PRKG1: variants seen among roughly 807,000 people sequenced by gnomAD.
The protein encoded by PRKG1 is protein kinase cGMP-dependent 1.
Under a neutral mutation model 88.1 loss-of-function variants are expected in PRKG1, and 35 were observed. That is an observed-to-expected ratio of 0.40 (90% CI 0.30 to 0.53). The LOEUF (loss-of-function observed/expected upper bound fraction) is 0.53, where lower values mean the gene tolerates loss of function less well. PRKG1 is among the 20% of genes least tolerant of loss of function. The probability of loss-of-function intolerance (pLI) is 0.59; values close to 1 mark genes in which losing one functional copy is unlikely to be tolerated. For missense variants in PRKG1, 540 were observed against 839.8 expected, an observed-to-expected ratio of 0.64 and a Z score of 4.41; for synonymous variants, 303 against 292.5, an observed-to-expected ratio of 1.04 and a Z score of -0.37.
chr10:52,213,858 T>C (rs921768840), intron 9 of PRKG1, among the ~76,000 whole-genome samples: 2 of 152,306 alleles, frequency 1.3e-5, no homozygotes, highest in Admixed American at 1.3e-4. Context: ...CCATTATAAA[T>C]AACTTATAAA....
At chr10:51,984,220 A>G (rs1180775855) in intron 5 of PRKG1, among the ~76,000 whole-genome samples, 1 of 152,212 alleles carries the variant, frequency 6.6e-6, no homozygotes, top group East Asian at 1.9e-4. Flanking sequence ...TGGTAGAAAT[A>G]TTTTGTAAGA....
chr10:51,027,924 C>A (rs543677114), intron 1 of PRKG1, among the ~76,000 whole-genome samples: 10 of 152,160 alleles, frequency 6.6e-5, no homozygotes, highest in Non-Finnish European at 1.3e-4. Context: ...AAGAAACAAT[C>A]TCCTGGTTGT....
intron 3 of PRKG1, among the ~76,000 whole-genome samples, chr10:51,734,006 TAAAC>T (rs953041239): frequency 1.3e-5 from 2 of 152,172 alleles, no homozygotes; most frequent in African/African-American, 4.8e-5. Context: ...GGCATTCTAA[TAAAC>T]AAAATGTTTC....
intron 5 of PRKG1, among the ~76,000 whole-genome samples, chr10:52,044,189 T>G (rs913833383): frequency 6.6e-6 from 1 of 152,164 alleles, no homozygotes; most frequent in Non-Finnish European, 1.5e-5. Flanking sequence ...CATCTTGCAC[T>G]GTGAGAAGTG....
intron 10 of PRKG1, among the ~76,000 whole-genome samples, chr10:52,255,329 C>G (rs1841282030): frequency 2.0e-5 from 3 of 151,978 alleles, no homozygotes; most frequent in Admixed American, 1.3e-4. Flanking sequence ...CTACTTTTGT[C>G]CCTGCGAGAA....
intron 4 of PRKG1, among the ~76,000 whole-genome samples, chr10:51,855,065 C>A (rs575314790): frequency 6.6e-6 from 1 of 152,058 alleles, no homozygotes; most frequent in Admixed American, 6.6e-5. Flanking sequence ...TAGTGCAATT[C>A]GGTGATTTGA....
intron 3 of PRKG1, among the ~76,000 whole-genome samples, chr10:51,707,448 C>A (rs914142697): frequency 1.3e-5 from 2 of 152,178 alleles, no homozygotes; most frequent in Non-Finnish European, 2.9e-5. Context: ...GCTAATTAGA[C>A]AAGAAGCAGA....
intron 9 of PRKG1, among the ~76,000 whole-genome samples, chr10:52,247,159 T>C (rs894722047): frequency 6.6e-6 from 1 of 152,130 alleles, no homozygotes; most frequent in Non-Finnish European, 1.5e-5. Flanking sequence ...TTTTGCCCTA[T>C]ACTAAAATAA....
chr10:51,324,938 CT>C, intron 2 of PRKG1, among the ~76,000 whole-genome samples: 1 of 152,232 alleles, frequency 6.6e-6, no homozygotes, highest in East Asian at 1.9e-4. Context: ...TCTTTTTAGG[CT>C]TTTGAGGAAT....
chr10:51,171,942 C>T (rs895858133), intron 2 of PRKG1, among the ~76,000 whole-genome samples: 1 of 151,988 alleles, frequency 6.6e-6, no homozygotes, highest in African/African-American at 2.4e-5. Flanking sequence ...TTGCACAACT[C>T]ATTTTTTATA....
chr10:52,100,169 G>A (rs961836312), intron 7 of PRKG1, among the ~76,000 whole-genome samples: 1 of 152,148 alleles, frequency 6.6e-6, no homozygotes, highest in Non-Finnish European at 1.5e-5. Context: ...CCAGCACAGT[G>A]AACTCATGTA....
chr10:52,266,065 A>C (rs1383137130), intron 10 of PRKG1, among the ~76,000 whole-genome samples: 1 of 152,128 alleles, frequency 6.6e-6, no homozygotes, highest in Non-Finnish European at 1.5e-5. Context: ...GAACAGTTAT[A>C]TAATTACAGA....
chr10:51,190,952 A>G (rs1051354898), intron 2 of PRKG1, among the ~76,000 whole-genome samples: 10 of 151,808 alleles, frequency 6.6e-5, no homozygotes, highest in Admixed American at 4.0e-4. Context: ...GGTTGTTACA[A>G]TTATTATGCT....
In PRKG1 at chr10:51,944,156, G is replaced by T. The variant is rs182315598; in HGVS notation, c.762+36586G>T. ...CTCCTGTTATTGGTCTATTCAGAGA[G>T]TCAACTTCTTCCTGGTTTAGTCTTG... On this transcript the variant is annotated intron_variant, in intron 5 of 17. Transcript: ENST00000373980. 1.6e-3 allele frequency among the ~76,000 whole-genome samples: 238 copies of T among 152,056 alleles called. 2 individuals carry two copies. The highest frequency in any genetic ancestry group is 1.2e-3 in the Non-Finnish European group (80 of 67,976).
chr10:52,028,242 T>C (rs907481286), intron 5 of PRKG1, among the ~76,000 whole-genome samples: 13 of 152,200 alleles, frequency 8.5e-5, no homozygotes, highest in Non-Finnish European at 1.9e-4. Context: ...GAGTCCTATA[T>C]GCTTTTTAGT....
intron 2 of PRKG1, among the ~76,000 whole-genome samples, chr10:51,419,551 A>G (rs1440433398): frequency 6.6e-6 from 1 of 152,164 alleles, no homozygotes; most frequent in Admixed American, 6.5e-5. Flanking sequence ...AGGGAAGCCA[A>G]TGCATTCTAA....
chr10:52,244,036 G>T (rs1840936106), intron 9 of PRKG1, among the ~76,000 whole-genome samples: 1 of 151,992 alleles, frequency 6.6e-6, no homozygotes, highest in East Asian at 1.9e-4. Flanking sequence ...AGAGTAAATT[G>T]ATATAATGAA....
In PRKG1 at chr10:51,119,370, A is replaced by G. The variant is rs1197562232; in HGVS notation, c.312-33794A>G. 2.6e-5 allele frequency among the ~76,000 whole-genome samples: 4 copies of G among 152,176 alleles called. No individual in the cohort carries two copies. The South Asian group carries it at 6.2e-4, about 24-fold the overall frequency. ...ATTTTTATAAATCTTAATTATTTGC[A>G]TAATTAGAGAAATTTTCCTGATTAT... On this transcript the variant is annotated intron_variant, in intron 1 of 17. Coordinates refer to ENST00000373980, the MANE Select transcript of PRKG1 (RefSeq NM_006258.4).
chr10:52,204,488 G>C (rs910047466), intron 9 of PRKG1, among the ~76,000 whole-genome samples: 9 of 152,182 alleles, frequency 5.9e-5, no homozygotes, highest in African/African-American at 1.9e-4. Flanking sequence ...CATGGCAGAA[G>C]ACCATAAATT....
Sources: allele counts gnomAD v4.1 joint callset (sites outside exome capture counted in the v4.1 genomes callset), GRCh38; gene constraint gnomAD v4.1.1; transcripts MANE v1.5; gene names NCBI Gene and HGNC (gene_info 2026-07-23, HGNC 2026-07-21).